The following TLCD4 variants were observed in gnomAD, a reference collection of about 807,000 sequenced individuals.
TLCD4 encodes TLC domain containing 4.
TLCD4 carries 7 observed loss-of-function variants against 24.2 expected under a neutral mutation model. The ratio of observed to expected loss-of-function variants is 0.29; its 90% CI spans 0.16 to 0.54. The LOEUF (loss-of-function observed/expected upper bound fraction) is 0.54. Among genes scored for constraint, TLCD4 ranks in the 20% least tolerant of loss-of-function variants. The pLI, the probability that TLCD4 is intolerant of heterozygous loss-of-function variation, is 0.95. For synonymous variants in TLCD4, 103 were observed against 106.4 expected (o/e 0.97, Z 0.20); for missense variants, 259 against 313.9 (o/e 0.82, Z 1.32).
At chr1:95,104,808 T>G in the TLCD4 span, among the ~76,000 whole-genome samples, 77,327 of 151,452 alleles carry the variant, frequency 0.51, 21,216 homozygotes, top group Non-Finnish European at 0.6. Flanking sequence ...TGGGTGAATT[T>G]CTTGAGCTCA....
At chr1:95,115,843 A>G (rs1676418855), upstream of TLCD4, among the ~76,000 whole-genome samples, 1 of 152,220 alleles carries the variant, frequency 6.6e-6, no homozygotes, top group South Asian at 2.1e-4. Flanking sequence ...GTGTTGATAC[A>G]GACTCTTGAG....
At chr1:95,126,033 T>G (rs1319111530) in intron 1 of TLCD4, among the ~76,000 whole-genome samples, 1 of 150,226 alleles carries the variant, frequency 6.7e-6, no homozygotes, top group Admixed American at 6.7e-5. Context: ...GGCTCATGCC[T>G]CTAATCCTAG....
chr1:95,104,976 C>G, the TLCD4 span, among the ~76,000 whole-genome samples: 1 of 152,060 alleles, frequency 6.6e-6, no homozygotes, highest in Non-Finnish European at 1.5e-5. Flanking sequence ...GCGCCCTGAT[C>G]ACACCACTGC....
At chr1:95,119,639 C>T (rs984936683) in intron 1 of TLCD4, among the ~76,000 whole-genome samples, 1 of 152,166 alleles carries the variant, frequency 6.6e-6, no homozygotes, top group Non-Finnish European at 1.5e-5. Context: ...TTTCTGGCTC[C>T]TCAGAGTCAA....
At chr1:95,142,147 T>TG (rs1677215762) in intron 1 of TLCD4, among the ~76,000 whole-genome samples, 1 of 149,728 alleles carries the variant, frequency 6.7e-6, no homozygotes, top group African/African-American at 2.5e-5. Flanking sequence ...TTTTTTTTTT[T>TG]GCTCTGAATG....
intron 1 of TLCD4, among the ~76,000 whole-genome samples, chr1:95,118,385 A>G (rs1215692682): frequency 6.6e-6 from 1 of 152,208 alleles, no homozygotes; most frequent in Admixed American, 6.5e-5. Flanking sequence ...TTCATTTAAG[A>G]GTCGCTGTTG....
chr1:95,109,958 T>TATACAC, the TLCD4 span, among the ~76,000 whole-genome samples: 5 of 108,072 alleles, frequency 4.6e-5, no homozygotes, highest in Non-Finnish European at 9.3e-5. Context: ...TATATATATA[T>TATACAC]ACACACACAC....
intron 5 of TLCD4, among the ~76,000 whole-genome samples, chr1:95,160,749 A>G (rs549832316): frequency 2.0e-5 from 3 of 152,284 alleles, no homozygotes; most frequent in African/African-American, 7.2e-5. Flanking sequence ...TTCTGCATCT[A>G]TTGAGATAAT....
At chr1:95,176,855 G>A (rs1245036735) in intron 6 of TLCD4, among the ~76,000 whole-genome samples, 2 of 152,144 alleles carry the variant, frequency 1.3e-5, no homozygotes, top group Non-Finnish European at 2.9e-5. Flanking sequence ...TTCTTAGAAT[G>A]TGGATATGTA....
chr1:95,112,098 G>A, the TLCD4 span, among the ~76,000 whole-genome samples: 3 of 151,990 alleles, frequency 2.0e-5, no homozygotes, highest in African/African-American at 4.8e-5. Context: ...ATTGTATGAC[G>A]GTTAGCAGCA....
rs149868009 is a variant in TLCD4 at position 95,165,608 on chromosome 1, G to A, written c.400-8208G>A. On this transcript the variant is annotated intron_variant, in intron 5 of 6. Transcript: ENST00000370203. ...AGCCTCCCAAGTAGTTGGGATTACC[G>A]GCACCTGCCACCATGCCCGGCTAAT... Among the ~76,000 whole-genome samples, 669 of 152,052 alleles carry A rather than the reference G, an allele frequency of 4.4e-3. 6 individuals carry two copies. The highest frequency in any genetic ancestry group is 0.015 in the African/African-American group (614 of 41,500).
At chr1:95,154,025 A>G (rs1008927803) in intron 5 of TLCD4, among the ~76,000 whole-genome samples, 2 of 152,190 alleles carry the variant, frequency 1.3e-5, no homozygotes, top group Admixed American at 1.3e-4. Context: ...TGGCTATTCT[A>G]CCATAAGATA....
intron 6 of TLCD4, among the ~76,000 whole-genome samples, chr1:95,182,912 A>T (rs1003832156): frequency 2.6e-5 from 4 of 152,184 alleles, no homozygotes; most frequent in African/African-American, 9.6e-5. Flanking sequence ...GAAAAGTGAA[A>T]TAAACATGCT....
intron 6 of TLCD4, among the ~76,000 whole-genome samples, chr1:95,188,203 C>T (rs1238986271): frequency 3.3e-5 from 5 of 151,840 alleles, no homozygotes; most frequent in South Asian, 4.2e-4. Context: ...CTGGCTAACA[C>T]GGTGAAACCC....
At chr1:95,168,554 CTTTTTTTTTTTTT>C (rs34574043) in intron 5 of TLCD4, among the ~76,000 whole-genome samples, 83 of 51,158 alleles carry the variant, frequency 1.6e-3, no homozygotes, top group African/African-American at 3.2e-3. Context: ...TGTGAGTGAG[CTTTTTTTTTTTTT>C]TTTTTTTTTT....
chr1:95,188,720 C>T (rs1370419559), intron 6 of TLCD4, among the ~76,000 whole-genome samples: 1 of 152,104 alleles, frequency 6.6e-6, no homozygotes, highest in African/African-American at 2.4e-5. Context: ...AAAGAAACGT[C>T]ATTTTGTTTT....
At chr1:95,151,078 C>T (rs1677480109) in intron 4 of TLCD4, among the ~76,000 whole-genome samples, 1 of 152,038 alleles carries the variant, frequency 6.6e-6, no homozygotes, top group African/African-American at 2.4e-5. Flanking sequence ...GTGCTAGATT[C>T]TGAGGGTTTA....
In TLCD4 at chr1:95,125,350, T is replaced by G. The variant is rs545561400; in HGVS notation, c.-12+7733T>G. ...AAGGAAACATGTCACCATATCTAGA[T>G]TTTTTGACTGTCTGGCAGTATCAAA... On this transcript the variant is annotated intron_variant, in intron 1 of 6. Coordinates refer to ENST00000370203, the MANE Select transcript of TLCD4 (RefSeq NM_152487.3). Among the ~76,000 whole-genome samples the G allele has an allele frequency of 1.8e-4, 28 of 152,330 alleles. No individual in the cohort carries two copies. In the South Asian group the frequency reaches 4.6e-3, roughly 25 times the overall value.
rs78920120 is a variant in TLCD4 at position 95,179,096 on chromosome 1, A to G, written c.473+5207A>G. 4.7e-3 allele frequency among the ~76,000 whole-genome samples: 712 copies of G among 152,286 alleles called. 1 individual carries two copies. Among genetic ancestry groups the G allele is most frequent in the Non-Finnish European group, 7.5e-3 (511 of 68,026 alleles). On this transcript the variant is annotated intron_variant, in intron 6 of 6. Transcript: ENST00000370203. ...CTTGCTGGCTACCTTACCAGTTTCT[A>G]ACTCTGTACTGTTTGGTAGGGTAAC...
Sources: allele counts gnomAD v4.1 joint callset (sites outside exome capture counted in the v4.1 genomes callset), GRCh38; gene constraint gnomAD v4.1.1; transcripts MANE v1.5; gene names NCBI Gene and HGNC (gene_info 2026-07-23, HGNC 2026-07-21).